The following HDAC8 variants were observed in gnomAD, a reference collection of about 807,000 sequenced individuals.
HDAC8 encodes the protein histone deacetylase-like 1.
A neutral mutation model predicts 32.2 loss-of-function variants in HDAC8; 1 was observed. The observed-to-expected ratio is 0.03, with a 90% CI of 0.01 to 0.15. The LOEUF (loss-of-function observed/expected upper bound fraction) is 0.15. Ranked by LOEUF, HDAC8 falls within the 10% of genes least tolerant of loss-of-function variation. The pLI is 1.00. For synonymous variants in HDAC8, 108 were observed against 113.9 expected (o/e 0.95, Z 0.33); for missense variants, 117 against 300.0 (o/e 0.39, Z 4.51).
rs782575189 is a variant in HDAC8 at position 72,504,581 on chromosome X, C to T, written c.438-9313G>A. Among the ~76,000 whole-genome samples the T allele has an allele frequency of 8.1e-5, 9 of 111,578 alleles. No homozygotes were observed. In the East Asian group the frequency reaches 2.2e-3, roughly 28 times the overall value. ...CCACACACCCCACATTGTGTTTATC[C>T]ATTCATCTGTTGACGAATGGGTAAC... is the stretch of plus-strand genomic sequence containing the variant. On this transcript the variant is annotated intron_variant, in intron 4 of 10. Coordinates refer to ENST00000373573, the MANE Select transcript of HDAC8 (RefSeq NM_018486.3).
chrX:72,506,496 T>C (rs910385420), intron 4 of HDAC8, among the ~76,000 whole-genome samples: 1 of 111,505 alleles, frequency 9.0e-6, no homozygotes, highest in Non-Finnish European at 1.9e-5. Flanking sequence ...TTAAAACAAC[T>C]CAGTCATGTG....
intron 9 of HDAC8, among the ~76,000 whole-genome samples, chrX:72,390,696 A>C (rs934747221): frequency 8.1e-5 from 9 of 111,790 alleles, no homozygotes; most frequent in Non-Finnish European, 1.7e-4. Flanking sequence ...AAGATTTGGA[A>C]CTGAAGAAGT....
chrX:72,529,449 G>A (rs1734321405), intron 4 of HDAC8, among the ~76,000 whole-genome samples: 1 of 111,331 alleles, frequency 9.0e-6, no homozygotes, highest in Admixed American at 9.5e-5. Flanking sequence ...GGAGGAAGGG[G>A]CTATGAGCAA....
chrX:72,567,127 A>C (rs1440785871), intron 4 of HDAC8, among the ~76,000 whole-genome samples: 3 of 111,935 alleles, frequency 2.7e-5, no homozygotes, highest in Non-Finnish European at 5.6e-5. Context: ...CCTGAACGAC[A>C]GGGCGAGACT....
At chrX:72,401,521 C>T (rs2045901705) in intron 9 of HDAC8, among the ~76,000 whole-genome samples, 1 of 112,249 alleles carries the variant, frequency 8.9e-6, no homozygotes, top group African/African-American at 3.2e-5. Context: ...AGCCACTGTG[C>T]CCGGCCACCA....
At chrX:72,333,193 C>T (rs781858303) in intron 10 of HDAC8, among the ~76,000 whole-genome samples, 2 of 111,615 alleles carry the variant, frequency 1.8e-5, no homozygotes, top group South Asian at 7.5e-4. Context: ...TTAGTTCACG[C>T]CTTCTCCACA....
rs782362925 is a variant in HDAC8, at chrX:72,472,072, ATTTT to A, written c.738-7345_738-7342del. The stretch of plus-strand genomic sequence containing the variant: ...CTTTATTTTTTATTTTATTTTATTT[ATTTT>A]TTTTTTTTTGAGACGGAGTCTCGCT... On this transcript the variant is annotated intron_variant, in intron 7 of 10. Transcript: ENST00000373573. Among the ~76,000 whole-genome samples the A allele has an allele frequency of 9.7e-3, 919 of 94,322 alleles. 4 individuals are homozygous for A. Among genetic ancestry groups the A allele is most frequent in the Non-Finnish European group, 0.016 (687 of 43,890 alleles). 81.9% of individuals were successfully genotyped at this position (94,322 alleles called of 115,157 possible).
intron 9 of HDAC8, among the ~76,000 whole-genome samples, chrX:72,356,702 C>T (rs2044378399): frequency 9.0e-6 from 1 of 111,198 alleles, no homozygotes; most frequent in South Asian, 3.8e-4. Flanking sequence ...GCCTCAGCCA[C>T]CCGAGTAACT....
At chrX:72,407,293 G>A (rs141455558) in intron 9 of HDAC8, among the ~76,000 whole-genome samples, 48 of 112,253 alleles carry the variant, frequency 4.3e-4, no homozygotes, top group African/African-American at 1.5e-3. Flanking sequence ...GTGCACCGGG[G>A]TGAAGCCACA....
chrX:72,541,125 C>G (rs1489196258), intron 4 of HDAC8, among the ~76,000 whole-genome samples: 10 of 108,252 alleles, frequency 9.2e-5, no homozygotes, highest in African/African-American at 3.4e-4. Flanking sequence ...GTATGGAGAA[C>G]AGTAAAACAG....
chrX:72,401,235 T>G (rs1290898441), intron 9 of HDAC8, among the ~76,000 whole-genome samples: 1 of 111,840 alleles, frequency 8.9e-6, no homozygotes, highest in Non-Finnish European at 1.9e-5. Context: ...TTGTTCCACT[T>G]GTTATTTTTT....
chrX:72,439,594 G>A (rs896767773), intron 9 of HDAC8, among the ~76,000 whole-genome samples: 1 of 96,549 alleles, frequency 1.0e-5, no homozygotes. Context: ...ACACACATAG[G>A]CTCAAAATAA....
At chrX:72,487,935 CAAA>C (rs782170397) in intron 7 of HDAC8, among the ~76,000 whole-genome samples, 5 of 50,688 alleles carry the variant, frequency 9.9e-5, no homozygotes, top group African/African-American at 6.5e-5. Flanking sequence ...TGGCAGGCTC[CAAA>C]AAAAAAAAAA....
chrX:72,345,409 T>C (rs1192271538), intron 10 of HDAC8, among the ~76,000 whole-genome samples: 1 of 111,138 alleles, frequency 9.0e-6, no homozygotes, highest in African/African-American at 3.3e-5. Context: ...CACTTACTTC[T>C]TGCGTGATTA....
chrX:72,482,351 C>T (rs1556003547), intron 7 of HDAC8, among the ~76,000 whole-genome samples: 1 of 112,158 alleles, frequency 8.9e-6, no homozygotes, highest in Non-Finnish European at 1.9e-5. Flanking sequence ...GGATTTTCTC[C>T]ATTGAAAATG....
chrX:72,458,576 T>C (rs2047784238), intron 9 of HDAC8, among the ~76,000 whole-genome samples: 1 of 111,620 alleles, frequency 9.0e-6, no homozygotes, highest in South Asian at 3.8e-4. Flanking sequence ...AATTCTTTCA[T>C]CTTAAAAAAA....
chrX:72,481,645 A>G (rs1315162846), intron 7 of HDAC8, among the ~76,000 whole-genome samples: 1 of 108,470 alleles, frequency 9.2e-6, no homozygotes, highest in Non-Finnish European at 1.9e-5. Flanking sequence ...ACTCTGTCAT[A>G]CAAGCTAGAG....
chrX:72,329,875 T>C lies in HDAC8; in HGVS notation c.*179A>G. On this transcript the variant is annotated 3_prime_UTR_variant, in exon 11 of 11. Coordinates refer to ENST00000373573, the MANE Select transcript of HDAC8 (RefSeq NM_018486.3). ...CTAGGTCCAGTTGAGGACTCTGGGG[T>C]GCCTGCCTCTTCACCCCAGGAAGCC... is the stretch of plus-strand genomic sequence containing the variant. The C allele has an allele frequency of 1.2e-6, 1 of 800,747 alleles. No individual in the cohort carries two copies. The highest frequency in any genetic ancestry group is 1.8e-6 in the Non-Finnish European group (1 of 555,064). The allele number at this position is 800,747 out of a possible 1,213,427, so 66.0% of individuals were successfully genotyped here. A position where few individuals can be genotyped will look rare whatever the true frequency, so the allele number is the denominator to read the frequency against.
intron 9 of HDAC8, among the ~76,000 whole-genome samples, chrX:72,397,359 C>G (rs1443031342): frequency 1.8e-5 from 2 of 112,144 alleles, no homozygotes; most frequent in African/African-American, 6.5e-5. Context: ...GCAGCTCCTA[C>G]TCTGAAAGTG....
Sources: allele counts gnomAD v4.1 joint callset (sites outside exome capture counted in the v4.1 genomes callset), GRCh38; gene constraint gnomAD v4.1.1; transcripts MANE v1.5; gene names NCBI Gene and HGNC (gene_info 2026-07-23, HGNC 2026-07-21).